The following FRMPD4 variants were observed in gnomAD, a reference collection of about 807,000 sequenced individuals.
The protein encoded by FRMPD4 is FERM and PDZ domain containing 4.
A neutral mutation model predicts 94.1 loss-of-function variants in FRMPD4; 22 were observed. That is an observed-to-expected ratio of 0.23 (90% CI 0.17 to 0.33). The LOEUF is 0.33. Ranked by LOEUF, FRMPD4 falls within the 10% of genes least tolerant of loss-of-function variation. The pLI, the probability that FRMPD4 is intolerant of heterozygous loss-of-function variation, is 1.00. For synonymous variants in FRMPD4, 631 were observed against 548.6 expected (o/e 1.15, Z -2.10); for missense variants, 1,111 against 1,339.9 (o/e 0.83, Z 2.67).
chrX:12,354,243 GT>G (rs747246379), intron 1 of FRMPD4, among the ~76,000 whole-genome samples: 1 of 112,024 alleles, frequency 8.9e-6, no homozygotes, highest in East Asian at 2.8e-4. Context: ...TTCATGACAT[GT>G]TAAAAAAGAC....
chrX:12,619,733 T>C (rs2059269963), intron 4 of FRMPD4, among the ~76,000 whole-genome samples: 1 of 112,281 alleles, frequency 8.9e-6, no homozygotes, highest in African/African-American at 3.2e-5. Context: ...TTGTGGACCC[T>C]AGAGTGGCTT....
At chrX:12,720,399 G>C (rs2042216337) in intron 16 of FRMPD4, 135 bp from the exon 17 acceptor site, 2 of 557,416 alleles carry the variant, frequency 3.6e-6, no homozygotes, top group Admixed American at 2.9e-5. Flanking sequence ...TTGGAAAGCA[G>C]GGTGACCTTA....
intron 1 of FRMPD4, among the ~76,000 whole-genome samples, chrX:12,448,049 T>G (rs1021269143): frequency 8.9e-6 from 1 of 112,025 alleles, no homozygotes; most frequent in South Asian, 3.7e-4. Flanking sequence ...ATTTGTAGAA[T>G]GGTAATTAAT....
chrX:12,139,048 C>A, intron 1 of FRMPD4, 36 bp downstream of exon 1: 5 of 1,066,918 alleles, frequency 4.7e-6, no homozygotes, highest in East Asian at 6.9e-5. Flanking sequence ...CACCCAGGGC[C>A]GCTGCCGCGG....
chrX:12,268,636 CT>C (rs1331151392), intron 1 of FRMPD4, among the ~76,000 whole-genome samples: 1 of 112,032 alleles, frequency 8.9e-6, no homozygotes, highest in African/African-American at 3.2e-5. Flanking sequence ...CTCTGAGATT[CT>C]TTTCCCAAAT....
Position 12,231,053 on chromosome X carries a change from A to G in FRMPD4, c.41+92041A>G, listed in dbSNP as rs1234261144. Among the ~76,000 whole-genome samples the G allele has an allele frequency of 1.3e-4, 8 of 63,712 alleles. No homozygotes were observed. In the Admixed American group the frequency reaches 1.5e-3, roughly 12 times the overall value. 55.3% of individuals were successfully genotyped at this position (63,712 alleles called of 115,157 possible). ...TAGTATATATATATATATATAAAAT[A>G]TATATATATATATATATATATAGTC... On this transcript the variant is annotated intron_variant, in intron 1 of 16. Transcript: ENST00000675598.
intron 1 of FRMPD4, among the ~76,000 whole-genome samples, chrX:12,347,039 A>G (rs2147968094): frequency 9.0e-6 from 1 of 111,056 alleles, no homozygotes; most frequent in East Asian, 2.8e-4. Context: ...CCTGGTTGGG[A>G]ATGTTGTGTT....
At chrX:11,993,506 C>A (rs1007458662) in intron 3 of FRMPD4, among the ~76,000 whole-genome samples, 1 of 111,959 alleles carries the variant, frequency 8.9e-6, no homozygotes, top group Non-Finnish European at 1.9e-5. Context: ...TGGTTGCAGG[C>A]AAAATTGCTC....
intron 2 of FRMPD4, among the ~76,000 whole-genome samples, chrX:11,871,385 C>T (rs1161404362): frequency 8.9e-6 from 1 of 112,321 alleles, no homozygotes; most frequent in East Asian, 2.8e-4. Context: ...GTAGCATGCA[C>T]ATTAATTCAC....
chrX:12,037,402 C>G (rs1431779641), intron 3 of FRMPD4, among the ~76,000 whole-genome samples: 2 of 111,205 alleles, frequency 1.8e-5, no homozygotes, highest in African/African-American at 6.5e-5. Context: ...CTCCTTTATA[C>G]TTATCTTTAC....
chrX:12,561,235 A>C (rs1221650738), intron 2 of FRMPD4, among the ~76,000 whole-genome samples: 2 of 112,464 alleles, frequency 1.8e-5, no homozygotes, highest in Non-Finnish European at 3.8e-5. Flanking sequence ...AGGACTGATA[A>C]AATTCAATAT....
chrX:12,273,000 C>A (rs185584849), intron 1 of FRMPD4, among the ~76,000 whole-genome samples: 1 of 109,791 alleles, frequency 9.1e-6, no homozygotes, highest in East Asian at 2.8e-4. Flanking sequence ...TCACTTGAAC[C>A]CAGGAGGCAG....
At position 12,721,758 on chromosome X, in the gene FRMPD4, C is replaced by G. The variant is rs754843220; in HGVS notation, c.5189C>G (p.Pro1730Arg). Residue 1730 changes from proline to arginine, a missense_variant, in exon 17 of 17, where the codon CCT (proline) becomes CGT (arginine). Physicochemically the swap from Pro to Arg is moderately radical, Grantham distance 103 (BLOSUM62 -2). This residue lies in a region of FRMPD4 where 551 missense variants were observed against 591.6 expected (regional missense o/e 0.93). Transcript: ENST00000675598. ...KAAEAATGKNPGDPNVGLSAR... is the reference protein window; with the variant it reads ...KAAEAATGKNRGDPNVGLSAR... ...GCCGAAGCAGCCACTGGAAAGAACC[C>G]TGGGGACCCTAATGTTGGACTCTCG... The G allele has an allele frequency of 1.3e-6, 1 of 752,839 alleles. No individual in the cohort carries two copies. Among genetic ancestry groups the G allele is most frequent in the African/African-American group, 2.3e-5 (1 of 43,134 alleles). The allele number at this position is 752,839 out of a possible 1,213,427, so 62.0% of individuals were successfully genotyped here. A position where few individuals can be genotyped will look rare whatever the true frequency, so the allele number is the denominator to read the frequency against.
At chrX:12,250,374 CAG>C (rs1322858203) in intron 1 of FRMPD4, among the ~76,000 whole-genome samples, 3 of 110,754 alleles carry the variant, frequency 2.7e-5, no homozygotes, top group African/African-American at 9.9e-5. Flanking sequence ...GCAAAATAGA[CAG>C]ATGCGATCAT....
Position 12,710,517 on chromosome X carries a change from A to T in FRMPD4, c.1589A>T (p.Asn530Ile). ...RSIFNMANKK[N>I]TATQETGPEN... ...ATATTTAACATGGCCAACAAGAAAA[A>T]CACAGCGACCCAGGAAACAGGTATT... is the stretch of plus-strand genomic sequence containing the variant. The change falls in exon 14 of 17, where the codon AAC becomes ATC. Residue 530 changes from asparagine to isoleucine, a missense_variant. By Grantham distance (149) the Asn-to-Ile change is moderately radical. Transcript: ENST00000675598. The T allele has an allele frequency of 1.7e-6, 2 of 1,208,151 alleles. No homozygotes were observed. The highest frequency in any genetic ancestry group is 2.2e-6 in the Non-Finnish European group (2 of 892,721).
At chrX:12,470,917 A>G (rs1245463884) in intron 1 of FRMPD4, among the ~76,000 whole-genome samples, 1 of 111,934 alleles carries the variant, frequency 8.9e-6, no homozygotes, top group East Asian at 2.8e-4. Context: ...CCTCTCTCAT[A>G]TGTGTGTTTA....
rs374670611 is a variant in FRMPD4 at position 12,280,247 on chromosome X, AAATAATAATAAT to A, written c.41+141256_41+141267del. 4.8e-3 allele frequency among the ~76,000 whole-genome samples: 487 copies of A among 102,215 alleles called. 3 individuals carry two copies. Among genetic ancestry groups the A allele is most frequent in the African/African-American group, 0.016 (450 of 28,242 alleles). 88.8% of individuals were successfully genotyped at this position (102,215 alleles called of 115,157 possible). On this transcript the variant is annotated intron_variant, in intron 1 of 16. Coordinates refer to ENST00000675598, the MANE Select transcript of FRMPD4 (RefSeq NM_001368397.1). Reference sequence around the variant, plus strand: ...CTACATATTTAGTAAGGCTGCTTTAAAATAATAATAATAATAATAATAATAATAATAAAACCA... The same window carrying A: ...CTACATATTTAGTAAGGCTGCTTTAAAATAATAATAATAATAATAAAACCA...
At chrX:12,531,573 G>C (rs1287103368) in intron 2 of FRMPD4, among the ~76,000 whole-genome samples, 4 of 111,565 alleles carry the variant, frequency 3.6e-5, no homozygotes, top group Non-Finnish European at 7.5e-5. Context: ...AAGCTTCCAG[G>C]AAGTACTGAT....
At chrX:12,468,012 A>G (rs1241056175) in intron 1 of FRMPD4, among the ~76,000 whole-genome samples, 1 of 112,367 alleles carries the variant, frequency 8.9e-6, no homozygotes, top group Non-Finnish European at 1.9e-5. Flanking sequence ...CATTTTGTCC[A>G]GGGCATAGAG....
Sources: gnomAD v4.1 joint callset for allele counts (sites outside exome capture counted in the v4.1 genomes callset) on GRCh38, gnomAD v4.1.1 for gene constraint, gnomAD v4.1.1 regional missense constraint, MANE v1.5 for transcripts, NCBI Gene and HGNC (gene_info 2026-07-23, HGNC 2026-07-21) for gene names.